Variants in EML5 observed in about 807,000 individuals in gnomAD.
EML5 encodes EMAP like 5, also known as echinoderm microtubule-associated protein-like 5.
Under a neutral mutation model 250.0 loss-of-function variants are expected in EML5, and 120 were observed. The observed-to-expected ratio is 0.48, with a 90% CI of 0.41 to 0.56. EML5 has a LOEUF of 0.56. EML5 is among the 20% of genes least tolerant of loss of function. The pLI is 0.00. For synonymous variants in EML5, 771 were observed against 806.5 expected (o/e 0.96, Z 0.75); for missense variants, 2,006 against 2,437.6 (o/e 0.82, Z 3.73).
chr14:88,712,568 C>T, intron 9 of EML5, 85 bp from the exon 10 acceptor site: 1 of 1,100,028 alleles, frequency 9.1e-7, no homozygotes, highest in Non-Finnish European at 1.3e-6. Context: ...ATAGTAAATT[C>T]CAAAATTTAA....
intron 39 of EML5, chr14:88,619,764 A>C (rs2088532883): frequency 6.6e-6 from 1 of 152,110 alleles, no homozygotes; most frequent in African/African-American, 2.4e-5. Flanking sequence ...TCCCGGGTTC[A>C]AGCGATTCTC....
At chr14:88,713,008 G>T (rs2093430605) in intron 9 of EML5, among the ~76,000 whole-genome samples, 1 of 152,100 alleles carries the variant, frequency 6.6e-6, no homozygotes, top group South Asian at 2.1e-4. Flanking sequence ...AAACTTTTGG[G>T]GAGATGCATT....
At chr14:88,777,617 T>C (rs568301478) in intron 1 of EML5, among the ~76,000 whole-genome samples, 29 of 152,048 alleles carry the variant, frequency 1.9e-4, no homozygotes, top group African/African-American at 6.8e-4. Context: ...CCAATAAAAA[T>C]AATAACTACA....
Position 88,688,395 on chromosome 14 carries a change from C to T in EML5, c.2618G>A (p.Trp873Ter). Residue 873 changes from tryptophan (W) to a stop codon, truncating the protein, a stop_gained, in exon 18 of 44, where the codon TGG (tryptophan) becomes TAG (stop). Coordinates refer to ENST00000554922, the MANE Select transcript of EML5 (RefSeq NM_183387.3). LOFTEE classifies it high-confidence loss of function. The stretch of plus-strand genomic sequence containing the variant: ...TCCAGAAAAAGCCATCTCTTCAGTC[C>T]ATCCATACACTGCACACATCATTGT... The part of the protein sequence containing the change: ...NDTMMCAVYG[W>*]TEEMAFSGTS... The T allele has an allele frequency of 1.2e-6, 2 of 1,613,986 alleles. No individual in the cohort carries two copies. Among genetic ancestry groups the T allele is most frequent in the Non-Finnish European group, 1.7e-6 (2 of 1,179,888 alleles).
chr14:88,649,898 T>C lies in EML5; in HGVS notation c.4019+14A>G, dbSNP rs1254969278. ...AATTTTTGAATAAAATATTTTCTTT[T>C]ATAAAACACTTACCTTACTACTCCC... On this transcript the variant is annotated intron_variant, in intron 28 of 43. Transcript: ENST00000554922. The C allele has an allele frequency of 2.0e-6, 3 of 1,490,486 alleles. No homozygotes were observed. The highest frequency in any genetic ancestry group is 2.8e-5 in the African/African-American group (2 of 70,370). 92.3% of individuals were successfully genotyped at this position (1,490,486 alleles called of 1,614,324 possible). A position where few individuals can be genotyped will look rare whatever the true frequency, so the allele number is the denominator to read the frequency against.
intron 1 of EML5, 109 bp from the exon 2 acceptor site, chr14:88,754,780 T>C: frequency 1.0e-6 from 1 of 953,504 alleles, no homozygotes; most frequent in Non-Finnish European, 1.6e-6. Context: ...TTAGACTTTA[T>C]CCACTTTAGA....
Position 88,664,596 on chromosome 14 carries a change from G to A in EML5, c.3306C>T (p.Ser1102=). 49 of 1,605,840 alleles carry A rather than the reference G, an allele frequency of 3.1e-5. No individual in the cohort carries two copies. Among genetic ancestry groups the A allele is most frequent in the Non-Finnish European group, 4.2e-5 (49 of 1,177,534 alleles). Residue 1102 remains serine (S), a synonymous_variant, in exon 23 of 44, where the codon TCC becomes TCT. Coordinates refer to ENST00000554922, the MANE Select transcript of EML5 (RefSeq NM_183387.3). ...TGTATATATCTATAAAGCTGTCATG[G>A]GATGCTACAGCAAGATATTTCCCAG... ...PGSGKYLAVA[S]HDSFIDIYNV...
At chr14:88,759,692 A>AAAAAAAAAAAAAAAAAAAC (rs2094210314) in intron 1 of EML5, among the ~76,000 whole-genome samples, 1 of 150,382 alleles carries the variant, frequency 6.6e-6, no homozygotes, top group African/African-American at 2.5e-5. Context: ...TCTTAAAAAA[A>AAAAAAAAAAAAAAAAAAAC]AAAAAAAAAA....
At chr14:88,776,089 G>A (rs1274424238) in intron 1 of EML5, among the ~76,000 whole-genome samples, 1 of 152,204 alleles carries the variant, frequency 6.6e-6, no homozygotes, top group Non-Finnish European at 1.5e-5. Flanking sequence ...AGCAGATACA[G>A]CTTAGATCAC....
intron 21 of EML5, among the ~76,000 whole-genome samples, chr14:88,674,955 C>A (rs1374175480): frequency 6.6e-6 from 1 of 152,238 alleles, no homozygotes; most frequent in Non-Finnish European, 1.5e-5. Flanking sequence ...TCTCCTTTGA[C>A]TCCATGCCTC....
intron 4 of EML5, among the ~76,000 whole-genome samples, chr14:88,742,722 T>C (rs186951591): frequency 6.6e-6 from 1 of 152,162 alleles, no homozygotes; most frequent in Non-Finnish European, 1.5e-5. Context: ...GCTTATATCA[T>C]GTGCCTTAAA....
chr14:88,762,237 G>A (rs567865512), intron 1 of EML5, among the ~76,000 whole-genome samples: 7 of 152,284 alleles, frequency 4.6e-5, no homozygotes, highest in South Asian at 4.1e-4. Context: ...CGGGCCATGC[G>A]TAGTGGCTCA....
intron 1 of EML5, among the ~76,000 whole-genome samples, chr14:88,760,214 A>G (rs774125800): frequency 6.6e-5 from 10 of 152,138 alleles, no homozygotes; most frequent in Non-Finnish European, 1.5e-4. Context: ...TTTATGGACC[A>G]TGCTTTTGCT....
Position 88,746,168 on chromosome 14 carries a change from C to A in EML5, c.456+17G>T. On this transcript the variant is annotated intron_variant, in intron 3 of 43. Coordinates refer to ENST00000554922, the MANE Select transcript of EML5 (RefSeq NM_183387.3). ...CCCTTCCAGTACTCATTAGAAATCT[C>A]AAAAGAGAATACTTACTCTATCTGT... 1.3e-6 allele frequency: 2 copies of A among 1,596,616 alleles called. No homozygotes were observed. Among genetic ancestry groups the A allele is most frequent in the South Asian group, 2.2e-5 (2 of 89,786 alleles).
At position 88,616,165 on chromosome 14, in the gene EML5, A is replaced by C. The variant is rs548701887; in HGVS notation, c.5874T>G (p.Val1958=). Residue 1958 remains valine, a synonymous_variant, in exon 43 of 44, where the codon GTT becomes GTG. Coordinates refer to ENST00000554922, the MANE Select transcript of EML5 (RefSeq NM_183387.3). The stretch of plus-strand genomic sequence containing the variant: ...ACCTGCAGTCATCACCTCCAGCACT[A>C]ACAACATGTCGATCACCACTGGTAA... ...IRFTSGDRHV[V]SAGGDDCSLF... is the part of the protein sequence containing the mutation. 2.7e-5 allele frequency: 44 copies of C among 1,613,922 alleles called. No homozygotes were observed. The highest frequency in any genetic ancestry group is 1.6e-4 in the Middle Eastern group (1 of 6,062).
chr14:88,627,443 A>C (rs2140421504), intron 34 of EML5: 1 of 530,534 alleles, frequency 1.9e-6, no homozygotes, highest in Non-Finnish European at 3.3e-6. Flanking sequence ...TGGTTTCATT[A>C]ATTTATCTGT....
At chr14:88,668,095 T>A (rs1016281167) in intron 21 of EML5, among the ~76,000 whole-genome samples, 3 of 152,240 alleles carry the variant, frequency 2.0e-5, no homozygotes, top group Non-Finnish European at 4.4e-5. Flanking sequence ...TTGTTCACTC[T>A]CCCTTAGTAC....
rs188905912 is a variant in EML5, at chr14:88,687,401, G to T, written c.2743-74C>A. The T allele has an allele frequency of 6.9e-4, 726 of 1,057,260 alleles. 4 individuals carry two copies. The African/African-American group carries it at 0.01, about 15-fold the overall frequency. 65.5% of individuals were successfully genotyped at this position (1,057,260 alleles called of 1,614,324 possible). On this transcript the variant is annotated intron_variant, in intron 18 of 43. Coordinates refer to ENST00000554922, the MANE Select transcript of EML5 (RefSeq NM_183387.3). ...AAATAGTAACCTTTTTCCTTATATT[G>T]AAAACTTCTAGAAAAAAGAACATAG...
intron 39 of EML5, chr14:88,619,494 A>C (rs7146297): frequency 0.82 from 124,851 of 152,198 alleles, 52,065 homozygotes; most frequent in East Asian, 0.91. Flanking sequence ...TGTGAGCCAC[A>C]ACACCCAGTC....
Sources: gnomAD v4.1 joint callset for allele counts (sites outside exome capture counted in the v4.1 genomes callset) on GRCh38, gnomAD v4.1.1 for gene constraint, MANE v1.5 for transcripts, NCBI Gene and HGNC (gene_info 2026-07-23, HGNC 2026-07-21) for gene names.